USH2A: variants seen among roughly 807,000 people sequenced by gnomAD.
USH2A encodes usherin, also known as Usher syndrome 2A (autosomal recessive, mild).
In USH2A, 443 loss-of-function variants were observed where a neutral mutation model predicts 538.9. The observed-to-expected ratio is 0.82, with a 90% CI of 0.76 to 0.89. The LOEUF (loss-of-function observed/expected upper bound fraction) is 0.89. USH2A is among the 40% of genes least tolerant of loss of function. USH2A has a pLI of 0.00. For missense variants in USH2A, 6,633 were observed against 6,324.8 expected, an observed-to-expected ratio of 1.05 and a Z score of -1.65; for synonymous variants, 2,413 against 2,273.5, an observed-to-expected ratio of 1.06 and a Z score of -1.75.
rs748087742 is a variant in USH2A, at chr1:216,169,549, AAC to A, written c.4627+5701_4627+5702del. ...TCTCTACTAAATATAATAAAAAATA[AAC>A]AGTCTTGACATTTACATCTCCATAT... is the stretch of plus-strand genomic sequence containing the variant. On this transcript the variant is annotated intron_variant, in intron 21 of 71. Coordinates refer to ENST00000307340, the MANE Select transcript of USH2A (RefSeq NM_206933.4). Among the ~76,000 whole-genome samples, 3 of 152,248 alleles carry A rather than the reference AAC, an allele frequency of 2.0e-5. No individual in the cohort carries two copies. In the East Asian group the frequency reaches 5.8e-4, roughly 30 times the overall value.
chr1:215,869,887 A>T (rs938190733), intron 43 of USH2A, among the ~76,000 whole-genome samples: 1 of 152,232 alleles, frequency 6.6e-6, no homozygotes, highest in African/African-American at 2.4e-5. Flanking sequence ...ACAATAATTT[A>T]GTTATGGCGA....
chr1:215,673,368 T>C (rs1031258623), intron 63 of USH2A, among the ~76,000 whole-genome samples: 3 of 152,194 alleles, frequency 2.0e-5, no homozygotes, highest in Non-Finnish European at 4.4e-5. Context: ...CTGTTCATTT[T>C]ACTAAATTTT....
intron 30 of USH2A, among the ~76,000 whole-genome samples, chr1:216,063,427 C>T (rs1012071510): frequency 1.3e-5 from 2 of 152,144 alleles, no homozygotes; most frequent in African/African-American, 4.8e-5. Flanking sequence ...GTCCACCTGG[C>T]AATACTGGAG....
At chr1:216,089,216 C>A in intron 22 of USH2A, 77 bp from the exon 23 acceptor site, 2 of 1,472,980 alleles carry the variant, frequency 1.4e-6, no homozygotes. Flanking sequence ...TGTTATAAAC[C>A]AATTTACAAG....
intron 46 of USH2A, among the ~76,000 whole-genome samples, chr1:215,843,233 T>C (rs1226891223): frequency 6.6e-6 from 1 of 152,182 alleles, no homozygotes; most frequent in East Asian, 1.9e-4. Context: ...CTGTGCTTAA[T>C]ATCTTCTGAA....
chr1:216,268,710 G>A (rs928019652), intron 11 of USH2A, among the ~76,000 whole-genome samples: 3 of 152,048 alleles, frequency 2.0e-5, no homozygotes, highest in East Asian at 1.9e-4. Flanking sequence ...GAATACATCA[G>A]GGGTGCTTCC....
At chr1:215,752,632 A>G (rs1190742441) in intron 58 of USH2A, among the ~76,000 whole-genome samples, 1 of 152,172 alleles carries the variant, frequency 6.6e-6, no homozygotes, top group Non-Finnish European at 1.5e-5. Flanking sequence ...CGCTGCAAAA[A>G]GTCATTGTTG....
chr1:215,795,477 C>T (rs1431238139), intron 50 of USH2A, among the ~76,000 whole-genome samples: 1 of 152,160 alleles, frequency 6.6e-6, no homozygotes, highest in Non-Finnish European at 1.5e-5. Flanking sequence ...ACTTGCAAAG[C>T]ACCAAGAATG....
chr1:215,932,028 A>G (rs969889856), intron 38 of USH2A, among the ~76,000 whole-genome samples: 1 of 152,018 alleles, frequency 6.6e-6, no homozygotes, highest in Admixed American at 6.6e-5. Context: ...GAAGTAAAAA[A>G]GAGCATTTTA....
chr1:215,845,811 A>C lies in USH2A; in HGVS notation c.9055+13T>G. On this transcript the variant is annotated intron_variant, in intron 45 of 71. Transcript: ENST00000307340. ...CATCTCTGAGGCAAATATCCTTTAG[A>C]ATCTGGACTCACCCCCATCGCAAGT... The C allele has an allele frequency of 6.2e-7, 1 of 1,612,534 alleles. No individual in the cohort carries two copies. The highest frequency in any genetic ancestry group is 8.5e-7 in the Non-Finnish European group (1 of 1,179,118).
At chr1:216,410,045 G>A (rs1366327463) in intron 3 of USH2A, among the ~76,000 whole-genome samples, 7 of 152,038 alleles carry the variant, frequency 4.6e-5, no homozygotes, top group Admixed American at 1.3e-4. Flanking sequence ...TAAAAAGTGG[G>A]CAAAGGACAT....
At chr1:216,411,940 C>G (rs979524334) in intron 3 of USH2A, among the ~76,000 whole-genome samples, 3 of 152,154 alleles carry the variant, frequency 2.0e-5, no homozygotes, top group Non-Finnish European at 4.4e-5. Flanking sequence ...TTCTTGACTT[C>G]AGTGGTTTGA....
At chr1:215,993,959 G>A (rs909224367) in intron 34 of USH2A, among the ~76,000 whole-genome samples, 1 of 152,018 alleles carries the variant, frequency 6.6e-6, no homozygotes, top group East Asian at 1.9e-4. Flanking sequence ...TAAACTTACT[G>A]GACAAGCACT....
chr1:215,728,291 G>T lies in USH2A; in HGVS notation c.11805C>A (p.Phe3935Leu), dbSNP rs778343106. 8 of 1,614,058 alleles carry T rather than the reference G, an allele frequency of 5.0e-6. No individual in the cohort carries two copies. In the South Asian group the frequency reaches 8.8e-5, roughly 18 times the overall value. The change falls in exon 61 of 72, where the codon TTC becomes TTA. Residue 3935 changes from phenylalanine (F) to leucine (L), a missense_variant. Physicochemically the swap from Phe to Leu is conservative, Grantham distance 22. Coordinates refer to ENST00000307340, the MANE Select transcript of USH2A (RefSeq NM_206933.4). ...CTCTGACCCGATATTCGTAGAGTGT[G>T]AAAGGCCTCAGGGTGTCTCCTTCAT... ...FMDEGDTLRP[F>L]TLYEYRVRAC...
chr1:216,063,015 T>C (rs746309516), intron 30 of USH2A, among the ~76,000 whole-genome samples: 1 of 152,242 alleles, frequency 6.6e-6, no homozygotes, highest in Non-Finnish European at 1.5e-5. Flanking sequence ...GTGTCAGAAT[T>C]ATTTTATTTA....
At chr1:215,940,704 C>T (rs963944657) in intron 37 of USH2A, among the ~76,000 whole-genome samples, 4 of 152,152 alleles carry the variant, frequency 2.6e-5, no homozygotes, top group South Asian at 2.1e-4. Context: ...CTTCTGAGGA[C>T]GGTGCTCGAT....
intron 19 of USH2A, among the ~76,000 whole-genome samples, chr1:216,190,597 G>C (rs1488045001): frequency 1.3e-5 from 2 of 151,656 alleles, no homozygotes; most frequent in African/African-American, 4.8e-5. Context: ...TTCCTGAGTG[G>C]ATAAATGAGA....
chr1:215,917,299 C>A (rs112272824), intron 38 of USH2A, among the ~76,000 whole-genome samples: 1 of 152,066 alleles, frequency 6.6e-6, no homozygotes, highest in South Asian at 2.1e-4. Context: ...ATTTTGAATA[C>A]GATCATATTC....
intron 3 of USH2A, among the ~76,000 whole-genome samples, chr1:216,377,286 A>G (rs1373889532): frequency 6.6e-6 from 1 of 152,184 alleles, no homozygotes; most frequent in Non-Finnish European, 1.5e-5. Context: ...AGCTAGAGAG[A>G]TAGTAATTGT....
Sources: allele counts gnomAD v4.1 joint callset (sites outside exome capture counted in the v4.1 genomes callset), GRCh38; gene constraint gnomAD v4.1.1; transcripts MANE v1.5; gene names NCBI Gene and HGNC (gene_info 2026-07-23, HGNC 2026-07-21).